The following CSF1 variants were observed in gnomAD, a reference collection of about 807,000 sequenced individuals.
CSF1 encodes the protein colony stimulating factor 1, also known as macrophage colony-stimulating factor 1.
In CSF1, 9 loss-of-function variants were observed where a neutral mutation model predicts 48.9. That is an observed-to-expected ratio of 0.18 (90% CI 0.11 to 0.32). The LOEUF (loss-of-function observed/expected upper bound fraction) is 0.32. Among genes scored for constraint, CSF1 ranks in the 10% least tolerant of loss-of-function variants. The pLI, the probability that CSF1 is intolerant of heterozygous loss-of-function variation, is 1.00. For missense variants in CSF1, 672 were observed against 697.9 expected (o/e 0.96, Z 0.42); for synonymous variants, 305 against 284.1 (o/e 1.07, Z -0.74).
intron 4 of CSF1, among the ~76,000 whole-genome samples, chr1:109,918,072 C>A (rs1231085755): frequency 6.6e-6 from 1 of 152,202 alleles, no homozygotes; most frequent in African/African-American, 2.4e-5. Flanking sequence ...GGAACTCAGA[C>A]TTCCATGGAG....
intron 6 of CSF1, 75 bp downstream of exon 6, chr1:109,924,265 G>A: frequency 1.5e-6 from 2 of 1,339,076 alleles, no homozygotes; most frequent in Non-Finnish European, 2.0e-6. Context: ...TGCAGGTGGG[G>A]GGACAGCTTG....
rs762413423 is a variant in CSF1, at chr1:109,917,444, A to T, written c.377A>T (p.Asp126Val). 1 of 1,614,150 alleles carries T rather than the reference A, an allele frequency of 6.2e-7. No individual in the cohort carries two copies. Among genetic ancestry groups the T allele is most frequent in the Non-Finnish European group, 8.5e-7 (1 of 1,180,018 alleles). ...AGGCTGAAGAGCTGCTTCACCAAGG[A>T]TTATGAAGAGCATGACAAGGTAGGA... ...SLRLKSCFTKDYEEHDKACVR... is the reference protein window; with the variant it reads ...SLRLKSCFTKVYEEHDKACVR... The change falls in exon 4 of 9, where the codon GAT (aspartate) becomes GTT (valine). Residue 126 changes from aspartate to valine, a missense_variant. Coordinates refer to ENST00000329608, the MANE Select transcript of CSF1 (RefSeq NM_000757.6).
Position 109,910,881 on chromosome 1 carries a change from T to C in CSF1, c.-143T>C. ...GGCCCGGGGAAAGTGAAAGTTTGCC[T>C]GGGTCCTCTCGGCGCCAGAGCCGCT... On this transcript the variant is annotated 5_prime_UTR_variant, in exon 1 of 9. Transcript: ENST00000329608. The C allele has an allele frequency of 2.2e-6, 1 of 451,860 alleles. No homozygotes were observed. Among genetic ancestry groups the C allele is most frequent in the Non-Finnish European group, 3.1e-6 (1 of 326,976 alleles). 28.0% of individuals were successfully genotyped at this position (451,860 alleles called of 1,614,324 possible).
intron 4 of CSF1, among the ~76,000 whole-genome samples, chr1:109,920,862 T>C (rs1647498582): frequency 6.6e-6 from 1 of 152,004 alleles, no homozygotes; most frequent in African/African-American, 2.4e-5. Flanking sequence ...AGCATTTGGA[T>C]ATCAGGAGGA....
In CSF1 at chr1:109,911,823, GC is replaced by G. The variant is rs1322693449; in HGVS notation, c.39+762del. ...GAAAATGGAAAGAGGGTTTGGTGTT[GC>G]AGAGCTGTGTCCAGGGGCAGGGTCT... On this transcript the variant is annotated intron_variant, in intron 1 of 8. Transcript: ENST00000329608. Among the ~76,000 whole-genome samples the G allele has an allele frequency of 2.0e-5, 3 of 152,326 alleles. No individual in the cohort carries two copies. The East Asian group carries it at 5.8e-4, about 29-fold the overall frequency.
chr1:109,922,146 T>TATGTGG, intron 5 of CSF1, 152 bp downstream of exon 5: 2 of 864,748 alleles, frequency 2.3e-6, no homozygotes, highest in Non-Finnish European at 3.4e-6. Flanking sequence ...TCTGTGTATA[T>TATGTGG]ATGTGGCTTC....
intron 4 of CSF1, among the ~76,000 whole-genome samples, chr1:109,917,899 G>A (rs917985677): frequency 2.6e-5 from 4 of 152,200 alleles, no homozygotes; most frequent in South Asian, 2.1e-4. Flanking sequence ...TGGGGGTGAC[G>A]GTAGTGGTGG....
chr1:109,925,591 GCTGCCAAGCCCCT>G (rs1647810217), intron 8 of CSF1, among the ~76,000 whole-genome samples: 1 of 152,048 alleles, frequency 6.6e-6, no homozygotes, highest in African/African-American at 2.4e-5. Flanking sequence ...TCTTGGCTTG[GCTGCCAAGCCCCT>G]TCGACAGCAG....
chr1:109,911,108 G>T (rs1209001343), intron 1 of CSF1, 46 bp downstream of exon 1: 4 of 998,418 alleles, frequency 4.0e-6, no homozygotes, highest in Non-Finnish European at 4.8e-6. Flanking sequence ...CTGGGGCGGG[G>T]GCTCGGCGGC....
At chr1:109,918,519 GA>G (rs1647360547) in intron 4 of CSF1, among the ~76,000 whole-genome samples, 1 of 152,232 alleles carries the variant, frequency 6.6e-6, no homozygotes, top group African/African-American at 2.4e-5. Flanking sequence ...ACCAAGGTGG[GA>G]CAGTGAAGGT....
intron 8 of CSF1, among the ~76,000 whole-genome samples, chr1:109,927,683 A>G (rs1259462998): frequency 1.3e-5 from 2 of 152,220 alleles, no homozygotes; most frequent in Non-Finnish European, 2.9e-5. Context: ...CGGCAGGTCC[A>G]GCCCTAAGGT....
chr1:109,921,394 A>G (rs538588519), intron 4 of CSF1, among the ~76,000 whole-genome samples: 75 of 152,286 alleles, frequency 4.9e-4, no homozygotes, highest in South Asian at 2.5e-3. Flanking sequence ...CTGGGATCCC[A>G]TCTCTTTCCT....
At chr1:109,920,159 G>C (rs143178560) in intron 4 of CSF1, among the ~76,000 whole-genome samples, 1 of 151,176 alleles carries the variant, frequency 6.6e-6, no homozygotes, top group East Asian at 1.9e-4. Context: ...GGGATTCAGA[G>C]CTCCTGAGGG....
chr1:109,915,605 T>G lies in CSF1; in HGVS notation c.163-29T>G, dbSNP rs150146406. On this transcript the variant is annotated intron_variant, in intron 2 of 8. Transcript: ENST00000329608. ...GGCTGAGTTGAGCTGTAGGTTACCCTGCAATCGTTGGCCTGCTCTCTCTTA... is the reference window on the plus strand; with the variant it reads ...GGCTGAGTTGAGCTGTAGGTTACCCGGCAATCGTTGGCCTGCTCTCTCTTA... The G allele has an allele frequency of 4.4e-6, 7 of 1,598,278 alleles. No individual in the cohort carries two copies. The Admixed American group carries it at 1.2e-4, about 27-fold the overall frequency.
intron 8 of CSF1, among the ~76,000 whole-genome samples, chr1:109,927,556 A>T (rs1436077919): frequency 1.4e-5 from 2 of 143,556 alleles, no homozygotes; most frequent in Non-Finnish European, 3.0e-5. Flanking sequence ...CTACACGCCC[A>T]CCCTCCTTTC....
chr1:109,917,569 C>T, intron 4 of CSF1, 106 bp downstream of exon 4: 1 of 1,121,212 alleles, frequency 8.9e-7, no homozygotes, highest in Non-Finnish European at 1.3e-6. Flanking sequence ...CGCCTCACGC[C>T]ATTGCTTGCT....
Position 109,910,938 on chromosome 1 carries a change from G to T in CSF1, c.-86G>T, listed in dbSNP as rs1553180177. 5 of 1,050,406 alleles carry T rather than the reference G, an allele frequency of 4.8e-6. No homozygotes were observed. The highest frequency in any genetic ancestry group is 5.9e-6 in the Non-Finnish European group (5 of 847,232). The allele number at this position is 1,050,406 out of a possible 1,614,324, so 65.1% of individuals were successfully genotyped here. ...ATCCCAGGACAGCGGTGCGGCCCTCGGCCGGGGCGCCCACTCCGCAGCAGC... is the reference window on the plus strand; with the variant it reads ...ATCCCAGGACAGCGGTGCGGCCCTCTGCCGGGGCGCCCACTCCGCAGCAGC... On this transcript the variant is annotated 5_prime_UTR_variant, in exon 1 of 9. Transcript: ENST00000329608.
chr1:109,910,982 G>T lies in CSF1; in HGVS notation c.-42G>T. On this transcript the variant is annotated 5_prime_UTR_variant, in exon 1 of 9. Transcript: ENST00000329608. ...CAGCAGCCAGCGAGCGAGCGAGCGA[G>T]CGAGGGCGGCCGACGCGCCCGGCCG... is the stretch of plus-strand genomic sequence containing the variant. 8.6e-7 allele frequency: 1 copy of T among 1,164,678 alleles called. No homozygotes were observed. 72.1% of individuals were successfully genotyped at this position (1,164,678 alleles called of 1,614,324 possible).
chr1:109,911,161 C>A, intron 1 of CSF1, 99 bp downstream of exon 1: 1 of 773,960 alleles, frequency 1.3e-6, no homozygotes, highest in South Asian at 5.8e-5. Context: ...AGCCTGGGCG[C>A]GCCGGCTGCA....
Sources: allele counts gnomAD v4.1 joint callset (sites outside exome capture counted in the v4.1 genomes callset), GRCh38; gene constraint gnomAD v4.1.1; transcripts MANE v1.5; gene names NCBI Gene and HGNC (gene_info 2026-07-23, HGNC 2026-07-21).